Variants in TRMT9B observed in about 807,000 individuals in gnomAD.
TRMT9B encodes the protein probable tRNA methyltransferase 9B.
Under a neutral mutation model 11.5 loss-of-function variants are expected in TRMT9B, and 16 were observed. That is an observed-to-expected ratio of 1.39 (90% CI 0.94 to 2.11). TRMT9B has a LOEUF of 2.11. Among genes scored for constraint, TRMT9B ranks in the 30% most tolerant of loss-of-function variants. The probability of loss-of-function intolerance (pLI) is 0.00; values close to 1 mark genes in which losing one functional copy is unlikely to be tolerated. For synonymous variants in TRMT9B, 274 were observed against 192.4 expected (o/e 1.42, Z -3.51); for missense variants, 941 against 553.8 (o/e 1.70, Z -7.02).
intron 1 of TRMT9B, among the ~76,000 whole-genome samples, chr8:12,948,066 A>G (rs1386170778): frequency 1.3e-5 from 2 of 152,188 alleles, no homozygotes; most frequent in African/African-American, 2.4e-5. Context: ...TTGACTTACG[A>G]TGGGGGTTAC....
intron 1 of TRMT9B, among the ~76,000 whole-genome samples, chr8:12,956,459 C>T (rs149081932): frequency 1.7e-4 from 26 of 152,260 alleles, no homozygotes; most frequent in African/African-American, 4.3e-4. Flanking sequence ...AATTACCAAG[C>T]GCCTGCCTCT....
rs374171740 is a variant in TRMT9B at position 12,996,936 on chromosome 8, C to CTTTATTTTAT, written c.-2+5969_-2+5978dup. On this transcript the variant is annotated intron_variant, in intron 2 of 4. Transcript: ENST00000524591. ...TTTGTTTTATCTGTTTTTGTACCTT[C>CTTTATTTTAT]TTTATTTTATTTTATTTTATTTTAT... is the stretch of plus-strand genomic sequence containing the variant. Among the ~76,000 whole-genome samples the CTTTATTTTAT allele has an allele frequency of 2.3e-3, 293 of 128,218 alleles. 2 individuals carry two copies. The highest frequency in any genetic ancestry group is 0.017 in the East Asian group (75 of 4,410). 84.1% of individuals were successfully genotyped at this position (128,218 alleles called of 152,430 possible).
intron 1 of TRMT9B, among the ~76,000 whole-genome samples, chr8:12,956,036 A>G (rs1299067737): frequency 6.6e-6 from 1 of 152,200 alleles, no homozygotes; most frequent in Non-Finnish European, 1.5e-5. Flanking sequence ...TACCAACAAC[A>G]AAAACAAGAA....
chr8:12,966,150 A>AC (rs56878983), intron 1 of TRMT9B, among the ~76,000 whole-genome samples: 74,637 of 150,744 alleles, frequency 0.5, 20,031 homozygotes, highest in Middle Eastern at 0.74. Flanking sequence ...ACATAGTAAG[A>AC]CCCCCCCCAT....
In TRMT9B at chr8:13,022,768, G is replaced by C. The variant is rs1829422; in HGVS notation, c.*724G>C. 0.67 allele frequency: 112,401 copies of C among 166,534 alleles called. 38,907 individuals are homozygous for C. The highest frequency in any genetic ancestry group is 0.75 in the East Asian group (3,912 of 5,188). The allele number at this position is 166,534 out of a possible 1,614,324, so 10.3% of individuals were successfully genotyped here. A position where few individuals can be genotyped will look rare whatever the true frequency, so the allele number is the denominator to read the frequency against. ...GCACTTTGGGAGGCCAAGGCAGAAG[G>C]ATCACTTGAACCCAGGAGTTCAAGA... On this transcript the variant is annotated 3_prime_UTR_variant, in exon 5 of 5. Transcript: ENST00000524591.
At chr8:12,974,903 A>G (rs1236122420) in intron 1 of TRMT9B, among the ~76,000 whole-genome samples, 1 of 148,674 alleles carries the variant, frequency 6.7e-6, no homozygotes, top group Non-Finnish European at 1.5e-5. Flanking sequence ...AAGTTTTCAG[A>G]TCAAAGGAAA....
chr8:12,999,093 G>T (rs1342172110), intron 2 of TRMT9B, among the ~76,000 whole-genome samples: 1 of 152,082 alleles, frequency 6.6e-6, no homozygotes, highest in Non-Finnish European at 1.5e-5. Context: ...GAGGTCAGAT[G>T]TTCAAGACCA....
At chr8:13,015,447 T>C (rs1812466138) in intron 4 of TRMT9B, among the ~76,000 whole-genome samples, 2 of 152,060 alleles carry the variant, frequency 1.3e-5, no homozygotes, top group Admixed American at 1.3e-4. Context: ...TACCTCCTGG[T>C]CTCAGGTTAT....
intron 1 of TRMT9B, among the ~76,000 whole-genome samples, chr8:12,988,272 G>A (rs970827848): frequency 2.0e-5 from 3 of 152,008 alleles, no homozygotes; most frequent in Admixed American, 6.6e-5. Flanking sequence ...TAGCACCGGC[G>A]CACACCCACA....
chr8:12,994,914 T>A (rs924768562), intron 2 of TRMT9B, among the ~76,000 whole-genome samples: 2 of 152,146 alleles, frequency 1.3e-5, no homozygotes, highest in African/African-American at 2.4e-5. Flanking sequence ...ACTCTCGACC[T>A]CAGGTGATCC....
chr8:12,966,879 C>T (rs947798063), intron 1 of TRMT9B, among the ~76,000 whole-genome samples: 6 of 152,254 alleles, frequency 3.9e-5, no homozygotes, highest in African/African-American at 1.2e-4. Flanking sequence ...GCAAAAAAAT[C>T]GGCTTTACCA....
rs746307110 is a variant in TRMT9B, at chr8:13,021,072, A to G, written c.393A>G (p.Leu131=). ...CAATAAAAGAAATGGCCAGGGTCTTAGTTCCCGGAGGCCAACTGATGATTT... is the reference window on the plus strand; with the variant it reads ...CAATAAAAGAAATGGCCAGGGTCTTGGTTCCCGGAGGCCAACTGATGATTT... ...IRAIKEMARV[L]VPGGQLMIYV... Residue 131 remains leucine, a synonymous_variant, in exon 5 of 5, where the codon TTA becomes TTG. Coordinates refer to ENST00000524591, the MANE Select transcript of TRMT9B (RefSeq NM_020844.3). The G allele has an allele frequency of 6.2e-7, 1 of 1,602,584 alleles. No individual in the cohort carries two copies. Among genetic ancestry groups the G allele is most frequent in the Non-Finnish European group, 8.5e-7 (1 of 1,173,924 alleles).
chr8:12,995,466 C>G (rs1808168091), intron 2 of TRMT9B, among the ~76,000 whole-genome samples: 1 of 152,006 alleles, frequency 6.6e-6, no homozygotes, highest in Admixed American at 6.6e-5. Flanking sequence ...GTCTGCTTTC[C>G]TTATTCTCCA....
chr8:12,994,658 A>AT (rs1312438734), intron 2 of TRMT9B, among the ~76,000 whole-genome samples: 1 of 152,208 alleles, frequency 6.6e-6, no homozygotes, highest in Non-Finnish European at 1.5e-5. Context: ...TGCAAGTGCA[A>AT]TTTAAACGAC....
At chr8:13,011,284 C>T (rs1811567017) in intron 3 of TRMT9B, 4 of 985,170 alleles carry the variant, frequency 4.1e-6, no homozygotes, top group Non-Finnish European at 4.8e-6. Context: ...CCGCGCCAGA[C>T]CCCAAATTTT....
At chr8:12,966,084 G>T (rs2128865691) in intron 1 of TRMT9B, among the ~76,000 whole-genome samples, 1 of 151,612 alleles carries the variant, frequency 6.6e-6, no homozygotes, top group Non-Finnish European at 1.5e-5. Context: ...CGAGCACTTT[G>T]GGAGACCAAG....
chr8:12,959,855 T>C (rs796092519), intron 1 of TRMT9B: 13 of 152,256 alleles, frequency 8.5e-5, no homozygotes, highest in African/African-American at 3.1e-4. Flanking sequence ...AGAAAAGGAA[T>C]ACTTAATCTG....
At chr8:12,956,273 G>C (rs1374984840) in intron 1 of TRMT9B, among the ~76,000 whole-genome samples, 1 of 152,138 alleles carries the variant, frequency 6.6e-6, no homozygotes. Context: ...TCCGAGATTT[G>C]GCTAGAGTAT....
Position 13,028,828 on chromosome 8 carries a change from A to T in TRMT9B, c.*6784A>T, listed in dbSNP as rs1248746764. 1 of 166,786 alleles carries T rather than the reference A, an allele frequency of 6.0e-6. No homozygotes were observed. Among genetic ancestry groups the T allele is most frequent in the African/African-American group, 2.4e-5 (1 of 41,376 alleles). The allele number at this position is 166,786 out of a possible 1,614,324, so 10.3% of individuals were successfully genotyped here. On this transcript the variant is annotated 3_prime_UTR_variant, in exon 5 of 5. Coordinates refer to ENST00000524591, the MANE Select transcript of TRMT9B (RefSeq NM_020844.3). ...ACTCCTGACCTCTTACGAGCTAATC[A>T]TACCACTTCTAACTAGATTTTCTAT...
Sources: gnomAD v4.1 joint callset for allele counts (sites outside exome capture counted in the v4.1 genomes callset) on GRCh38, gnomAD v4.1.1 for gene constraint, MANE v1.5 for transcripts, NCBI Gene and HGNC (gene_info 2026-07-23, HGNC 2026-07-21) for gene names.